KHDRBS2: variants seen among roughly 807,000 people sequenced by gnomAD.
KHDRBS2 encodes the protein KH RNA binding domain containing, signal transduction associated 2.
In KHDRBS2, 26 loss-of-function variants were observed where a neutral mutation model predicts 44.3. That is an observed-to-expected ratio of 0.59 (90% CI 0.43 to 0.81). The LOEUF is 0.81. KHDRBS2 is among the 40% of genes least tolerant of loss of function. KHDRBS2 has a pLI of 0.00. For missense variants in KHDRBS2, 476 were observed against 433.1 expected, an observed-to-expected ratio of 1.10 and a Z score of -0.88; for synonymous variants, 194 against 151.1, an observed-to-expected ratio of 1.28 and a Z score of -2.08.
At chr6:61,754,381 T>C (rs1316046557) in intron 6 of KHDRBS2, among the ~76,000 whole-genome samples, 2 of 152,096 alleles carry the variant, frequency 1.3e-5, no homozygotes, top group East Asian at 1.9e-4. Flanking sequence ...TGCTGTAGAC[T>C]TAACGCTCAA....
At chr6:61,875,736 C>T (rs1389694530) in intron 6 of KHDRBS2, among the ~76,000 whole-genome samples, 4 of 152,010 alleles carry the variant, frequency 2.6e-5, no homozygotes. Context: ...CCTTCTGATG[C>T]TAATGTGATA....
intron 6 of KHDRBS2, among the ~76,000 whole-genome samples, chr6:61,826,451 C>T (rs977585482): frequency 6.6e-6 from 1 of 152,040 alleles, no homozygotes; most frequent in Non-Finnish European, 1.5e-5. Flanking sequence ...ATGGTGGCTG[C>T]TTTTACAGAT....
At chr6:61,913,637 G>A (rs1022872475) in intron 4 of KHDRBS2, among the ~76,000 whole-genome samples, 1 of 151,908 alleles carries the variant, frequency 6.6e-6, no homozygotes, top group African/African-American at 2.4e-5. Context: ...CTGAAAAAAA[G>A]GAATAAGTAA....
chr6:61,772,602 GACTAA>G (rs1781133806), intron 6 of KHDRBS2, among the ~76,000 whole-genome samples: 1 of 151,984 alleles, frequency 6.6e-6, no homozygotes, highest in Non-Finnish European at 1.5e-5. Context: ...ATCCTCTCAA[GACTAA>G]ACCAGGAAGA....
intron 2 of KHDRBS2, among the ~76,000 whole-genome samples, chr6:62,116,412 T>A (rs1806241272): frequency 6.6e-6 from 1 of 152,132 alleles, no homozygotes; most frequent in South Asian, 2.1e-4. Context: ...ATTCTGCATA[T>A]AAATGAGTCT....
chr6:61,750,446 A>C (rs1165195878), intron 6 of KHDRBS2, among the ~76,000 whole-genome samples: 1 of 152,170 alleles, frequency 6.6e-6, no homozygotes, highest in Middle Eastern at 3.2e-3. Flanking sequence ...ACTTTTAGCT[A>C]TGCAGCTTGT....
At chr6:61,636,648 G>A in the KHDRBS2 span, among the ~76,000 whole-genome samples, 13 of 152,188 alleles carry the variant, frequency 8.5e-5, no homozygotes, top group Non-Finnish European at 1.3e-4. Context: ...GGTCAGAGAT[G>A]CTGCTAAATA....
the KHDRBS2 span, among the ~76,000 whole-genome samples, chr6:61,548,431 T>A: frequency 6.6e-6 from 1 of 152,206 alleles, no homozygotes; most frequent in South Asian, 2.1e-4. Context: ...TTTGATTAAG[T>A]CTAGGATGAG....
chr6:61,573,792 GAAAAA>G, the KHDRBS2 span, among the ~76,000 whole-genome samples: 1 of 146,014 alleles, frequency 6.8e-6, no homozygotes. Flanking sequence ...TCTGTCTCAG[GAAAAA>G]AAAAAAAAAG....
At chr6:61,671,640 C>T in the KHDRBS2 span, among the ~76,000 whole-genome samples, 1 of 151,732 alleles carries the variant, frequency 6.6e-6, no homozygotes, top group South Asian at 2.1e-4. Flanking sequence ...AAACAGCTAT[C>T]TTATTGTTAC....
intron 2 of KHDRBS2, among the ~76,000 whole-genome samples, chr6:62,073,711 C>A (rs1795761026): frequency 1.3e-5 from 2 of 151,498 alleles, no homozygotes; most frequent in Admixed American, 1.3e-4. Flanking sequence ...AAGGGCATTT[C>A]TTGGCTACTA....
intron 6 of KHDRBS2, among the ~76,000 whole-genome samples, chr6:61,832,107 A>G (rs1324700186): frequency 6.6e-6 from 1 of 152,104 alleles, no homozygotes; most frequent in African/African-American, 2.4e-5. Context: ...GCTGGCACAC[A>G]TCTGTGGTCC....
Position 62,078,015 on chromosome 6 carries a change from C to T in KHDRBS2, c.220-30021G>A, listed in dbSNP as rs555473766. Among the ~76,000 whole-genome samples, 3 of 152,088 alleles carry T rather than the reference C, an allele frequency of 2.0e-5. No homozygotes were observed. The South Asian group carries it at 6.2e-4, about 32-fold the overall frequency. On this transcript the variant is annotated intron_variant, in intron 2 of 8. Transcript: ENST00000281156. ...CATACCATACATTTGAAAATGCACA[C>T]GTAGCATCATTACAATGGCATTTTT...
At chr6:62,021,374 T>C (rs1405165102) in intron 3 of KHDRBS2, among the ~76,000 whole-genome samples, 3 of 151,956 alleles carry the variant, frequency 2.0e-5, no homozygotes, top group East Asian at 3.9e-4. Flanking sequence ...GGTTTACCTA[T>C]ATAACAAACC....
chr6:62,231,056 C>T (rs1832819739), intron 1 of KHDRBS2, among the ~76,000 whole-genome samples: 1 of 152,128 alleles, frequency 6.6e-6, no homozygotes, highest in African/African-American at 2.4e-5. Context: ...TTGCTTTAAG[C>T]TCATTTAGGG....
intron 6 of KHDRBS2, among the ~76,000 whole-genome samples, chr6:61,760,670 C>T (rs760289271): frequency 6.6e-6 from 1 of 151,850 alleles, no homozygotes; most frequent in Non-Finnish European, 1.5e-5. Context: ...AAAGAAAAGC[C>T]ATTAGCAATG....
chr6:61,871,030 C>T (rs1798578794), intron 6 of KHDRBS2, among the ~76,000 whole-genome samples: 1 of 152,120 alleles, frequency 6.6e-6, no homozygotes, highest in East Asian at 1.9e-4. Flanking sequence ...CAGAAGTAGG[C>T]TTCAGAAAGT....
At chr6:62,053,056 C>T (rs1042226476) in intron 2 of KHDRBS2, among the ~76,000 whole-genome samples, 1 of 152,014 alleles carries the variant, frequency 6.6e-6, no homozygotes, top group Non-Finnish European at 1.5e-5. Context: ...TGCTTCACTA[C>T]AGTAAACATT....
intron 2 of KHDRBS2, among the ~76,000 whole-genome samples, chr6:62,152,342 A>G (rs1422871026): frequency 1.3e-5 from 2 of 152,150 alleles, no homozygotes; most frequent in African/African-American, 4.8e-5. Flanking sequence ...AAAACAAACA[A>G]AAAAATACTT....
Sources: gnomAD v4.1 joint callset for allele counts (sites outside exome capture counted in the v4.1 genomes callset) on GRCh38, gnomAD v4.1.1 for gene constraint, MANE v1.5 for transcripts, NCBI Gene and HGNC (gene_info 2026-07-23, HGNC 2026-07-21) for gene names.